Variants in PTPRD observed in about 807,000 individuals in gnomAD.
PTPRD encodes the protein receptor-type tyrosine-protein phosphatase delta.
Under a neutral mutation model 214.5 loss-of-function variants are expected in PTPRD, and 34 were observed. That is an observed-to-expected ratio of 0.16 (90% CI 0.12 to 0.21). PTPRD has a LOEUF of 0.21. Among genes scored for constraint, PTPRD ranks in the 10% least tolerant of loss-of-function variants. The pLI is 1.00. For synonymous variants in PTPRD, 1,128 were observed against 845.7 expected (o/e 1.33, Z -5.79); for missense variants, 2,545 against 2,398.7 (o/e 1.06, Z -1.27).
chr9:9,400,295 T>A (rs910682937), intron 8 of PTPRD, among the ~76,000 whole-genome samples: 1 of 151,844 alleles, frequency 6.6e-6, no homozygotes, highest in African/African-American at 2.4e-5. Flanking sequence ...ACTCAAATGG[T>A]AACCAAAATT....
chr9:8,357,243 A>C (rs1440608209), intron 39 of PTPRD, among the ~76,000 whole-genome samples: 2 of 152,208 alleles, frequency 1.3e-5, no homozygotes, highest in South Asian at 2.1e-4. Context: ...GCTGTGGATG[A>C]GCTGCTTTTC....
At chr9:9,561,139 T>C (rs1484427892) in intron 8 of PTPRD, among the ~76,000 whole-genome samples, 1 of 152,156 alleles carries the variant, frequency 6.6e-6, no homozygotes, top group Non-Finnish European at 1.5e-5. Context: ...TCCTATGTTA[T>C]GGCTACATGG....
At chr9:9,672,955 A>G (rs1329989838) in intron 7 of PTPRD, among the ~76,000 whole-genome samples, 1 of 152,030 alleles carries the variant, frequency 6.6e-6, no homozygotes, top group Non-Finnish European at 1.5e-5. Flanking sequence ...AATCTGTTAT[A>G]AAATCCCTGT....
intron 3 of PTPRD, among the ~76,000 whole-genome samples, chr9:10,166,700 G>T (rs1391255912): frequency 6.6e-6 from 1 of 151,928 alleles, no homozygotes; most frequent in African/African-American, 2.4e-5. Flanking sequence ...CCTAGCACTT[G>T]GAAGTGGATA....
intron 4 of PTPRD, among the ~76,000 whole-genome samples, chr9:9,947,379 T>TAC (rs1240131838): frequency 1.5e-5 from 1 of 65,988 alleles, no homozygotes; most frequent in African/African-American, 6.1e-5. Flanking sequence ...ATATATTATA[T>TAC]ATATTTTATA....
chr9:9,833,250 A>T (rs1202750350), intron 5 of PTPRD, among the ~76,000 whole-genome samples: 1 of 152,066 alleles, frequency 6.6e-6, no homozygotes, highest in Non-Finnish European at 1.5e-5. Context: ...AGGACAGAGT[A>T]CAAAAGAGAT....
At chr9:10,585,456 A>G (rs2073587277) in intron 2 of PTPRD, among the ~76,000 whole-genome samples, 1 of 103,120 alleles carries the variant, frequency 9.7e-6, no homozygotes, top group Admixed American at 1.1e-4. Flanking sequence ...CCAATTCAGA[A>G]AAAAAAAATC....
At chr9:8,918,102 T>C (rs139540028) in intron 11 of PTPRD, among the ~76,000 whole-genome samples, 107 of 152,294 alleles carry the variant, frequency 7.0e-4, no homozygotes, top group East Asian at 5.2e-3. Context: ...CAGTTGCTAA[T>C]CACACTCACC....
intron 11 of PTPRD, among the ~76,000 whole-genome samples, chr9:8,965,479 C>T (rs2099188004): frequency 6.6e-6 from 1 of 151,802 alleles, no homozygotes; most frequent in South Asian, 2.1e-4. Context: ...TCTTTTTGTA[C>T]TTCTAGAAAT....
rs567778357 is a variant in PTPRD at position 9,488,487 on chromosome 9, T to C, written c.-237+86245A>G. On this transcript the variant is annotated intron_variant, in intron 8 of 45. Coordinates refer to ENST00000381196, the MANE Select transcript of PTPRD (RefSeq NM_002839.4). ...TGTTTCTGCTCTCAGGTTCTTTCAC[T>C]CAGCTTCCTGAGTTCAGAGGGCAAT... 1.2e-4 allele frequency among the ~76,000 whole-genome samples: 19 copies of C among 152,324 alleles called. 1 individual carries two copies. Among genetic ancestry groups the C allele is most frequent in the African/African-American group, 3.4e-4 (14 of 41,570 alleles).
At chr9:8,686,643 C>T (rs1205898902) in intron 12 of PTPRD, among the ~76,000 whole-genome samples, 1 of 152,126 alleles carries the variant, frequency 6.6e-6, no homozygotes, top group Non-Finnish European at 1.5e-5. Flanking sequence ...AAGCTAGGAT[C>T]GGAACCAGAG....
chr9:8,901,254 T>C (rs1197009982), intron 11 of PTPRD, among the ~76,000 whole-genome samples: 1 of 152,146 alleles, frequency 6.6e-6, no homozygotes, highest in Non-Finnish European at 1.5e-5. Flanking sequence ...TTGTTTCTGA[T>C]GGGTAAGAGT....
chr9:10,547,826 T>G (rs2060482003), intron 2 of PTPRD, among the ~76,000 whole-genome samples: 1 of 152,128 alleles, frequency 6.6e-6, no homozygotes, highest in Admixed American at 6.6e-5. Context: ...AGATGAATAC[T>G]GTTATTTTAT....
At chr9:9,090,242 A>G (rs561638572) in intron 10 of PTPRD, among the ~76,000 whole-genome samples, 1 of 152,050 alleles carries the variant, frequency 6.6e-6, no homozygotes, top group East Asian at 1.9e-4. Context: ...TCTGGTAGCA[A>G]TCATTCTATT....
intron 11 of PTPRD, among the ~76,000 whole-genome samples, chr9:8,882,194 T>C (rs143263112): frequency 1.3e-5 from 2 of 152,328 alleles, no homozygotes; most frequent in East Asian, 1.9e-4. Flanking sequence ...TGTCGACTCA[T>C]TGACTAAAAA....
chr9:9,129,071 G>A (rs1400805783), intron 10 of PTPRD, among the ~76,000 whole-genome samples: 4 of 152,162 alleles, frequency 2.6e-5, no homozygotes, highest in South Asian at 2.1e-4. Flanking sequence ...GCTCTTACAA[G>A]CAGTCCTAAC....
chr9:8,328,029 A>G (rs1835753159), intron 44 of PTPRD, among the ~76,000 whole-genome samples: 2 of 152,164 alleles, frequency 1.3e-5, no homozygotes, highest in Non-Finnish European at 2.9e-5. Context: ...TTTAAGGTTA[A>G]TAAGGTTATG....
chr9:9,316,992 T>A (rs111370045), intron 9 of PTPRD, among the ~76,000 whole-genome samples: 13 of 152,176 alleles, frequency 8.5e-5, no homozygotes, highest in Non-Finnish European at 1.9e-4. Flanking sequence ...TGACAAAACA[T>A]GGCCCTTCTC....
intron 11 of PTPRD, among the ~76,000 whole-genome samples, chr9:9,000,235 G>A (rs2099412641): frequency 6.6e-6 from 1 of 152,026 alleles, no homozygotes; most frequent in Non-Finnish European, 1.5e-5. Context: ...TAGAACGGCA[G>A]TCCTGCTACC....
Sources: allele counts gnomAD v4.1 joint callset (sites outside exome capture counted in the v4.1 genomes callset), GRCh38; gene constraint gnomAD v4.1.1; transcripts MANE v1.5; gene names NCBI Gene and HGNC (gene_info 2026-07-23, HGNC 2026-07-21).